Variants in KIF13B observed in about 807,000 individuals in gnomAD.
KIF13B encodes the protein kinesin-like protein KIF13B.
In KIF13B, 127 loss-of-function variants were observed where a neutral mutation model predicts 222.0. The ratio of observed to expected loss-of-function variants is 0.57; its 90% CI spans 0.50 to 0.66. KIF13B has a LOEUF of 0.66. Among genes scored for constraint, KIF13B ranks in the 30% least tolerant of loss-of-function variants. The probability of loss-of-function intolerance (pLI) is 0.00; values close to 1 mark genes in which losing one functional copy is unlikely to be tolerated. For synonymous variants in KIF13B, 976 were observed against 919.0 expected (o/e 1.06, Z -1.12); for missense variants, 2,173 against 2,379.0 (o/e 0.91, Z 1.80).
At chr8:29,145,695 C>T (rs1015087522) in intron 18 of KIF13B, among the ~76,000 whole-genome samples, 4 of 151,408 alleles carry the variant, frequency 2.6e-5, no homozygotes, top group Non-Finnish European at 5.9e-5. Context: ...TGTTGACTAC[C>T]GCAGGCTAAA....
intron 22 of KIF13B, 129 bp from the exon 23 acceptor site, chr8:29,132,594 G>C: frequency 3.7e-6 from 2 of 537,724 alleles, no homozygotes; most frequent in Non-Finnish European, 2.9e-6. Flanking sequence ...TAGTTATACA[G>C]AACTATCATC....
At chr8:29,194,014 CAG>C (rs370911153) in intron 3 of KIF13B, among the ~76,000 whole-genome samples, 6 of 146,934 alleles carry the variant, frequency 4.1e-5, no homozygotes, top group African/African-American at 1.5e-4. Flanking sequence ...TTAGTAGAGA[CAG>C]GGTTTCACTG....
chr8:29,109,901 C>A lies in KIF13B; in HGVS notation c.4083+17G>T, dbSNP rs1290753523. The A allele has an allele frequency of 6.2e-7, 1 of 1,612,226 alleles. No individual in the cohort carries two copies. Among genetic ancestry groups the A allele is most frequent in the Admixed American group, 1.7e-5 (1 of 59,890 alleles). ...TCAGGGCCTCTGCTGCCCGCCCTAT[C>A]CATGCGGTTGGCTAACCTGGCGCAG... On this transcript the variant is annotated intron_variant, in intron 33 of 39. Coordinates refer to ENST00000524189, the MANE Select transcript of KIF13B (RefSeq NM_015254.4).
intron 2 of KIF13B, among the ~76,000 whole-genome samples, chr8:29,218,078 C>T (rs1039266502): frequency 6.6e-6 from 1 of 152,118 alleles, no homozygotes; most frequent in South Asian, 2.1e-4. Flanking sequence ...TTACACTGTG[C>T]TTATTGGATG....
At chr8:29,179,698 C>T (rs1812631419) in intron 8 of KIF13B, among the ~76,000 whole-genome samples, 1 of 152,226 alleles carries the variant, frequency 6.6e-6, no homozygotes. Context: ...CAAGCACATT[C>T]TCCAGGTTCC....
chr8:29,095,901 G>A (rs1483211027), intron 36 of KIF13B, among the ~76,000 whole-genome samples: 3 of 150,074 alleles, frequency 2.0e-5, no homozygotes, highest in African/African-American at 4.9e-5. Flanking sequence ...AAAACAAAAC[G>A]AAACAAAAAA....
chr8:29,086,045 A>G (rs779683615), intron 37 of KIF13B, among the ~76,000 whole-genome samples: 52 of 152,008 alleles, frequency 3.4e-4, no homozygotes, highest in Admixed American at 6.6e-4. Context: ...CAGCTCTCTT[A>G]GTCATTGTTT....
chr8:29,111,138 T>C (rs1809335978), intron 32 of KIF13B, among the ~76,000 whole-genome samples: 1 of 152,222 alleles, frequency 6.6e-6, no homozygotes, highest in African/African-American at 2.4e-5. Context: ...AGCCTTGTAA[T>C]AACCATGAAA....
intron 37 of KIF13B, among the ~76,000 whole-genome samples, chr8:29,079,198 C>T (rs568678582): frequency 6.6e-6 from 1 of 152,312 alleles, no homozygotes; most frequent in Admixed American, 6.5e-5. Flanking sequence ...GATGGCTTTT[C>T]CAGAACCTTC....
At chr8:29,133,069 T>G (rs1810414236) in intron 22 of KIF13B, among the ~76,000 whole-genome samples, 1 of 152,162 alleles carries the variant, frequency 6.6e-6, no homozygotes, top group South Asian at 2.1e-4. Flanking sequence ...CTATCTTTAA[T>G]GTAGTGAAGT....
chr8:29,170,584 G>T (rs868223276), intron 10 of KIF13B, among the ~76,000 whole-genome samples: 6 of 152,204 alleles, frequency 3.9e-5, no homozygotes, highest in Non-Finnish European at 5.9e-5. Context: ...GGTAAAGGGA[G>T]AGGGGAGAGG....
chr8:29,177,661 G>A (rs1386598172), intron 8 of KIF13B, 83 bp from the exon 9 acceptor site: 1 of 911,876 alleles, frequency 1.1e-6, no homozygotes, highest in Non-Finnish European at 1.8e-6. Flanking sequence ...CAGCACTTTG[G>A]GAGGACAAGG....
At chr8:29,123,872 T>C (rs540275871) in intron 27 of KIF13B, among the ~76,000 whole-genome samples, 152 bp downstream of exon 27, 1 of 152,230 alleles carries the variant, frequency 6.6e-6, no homozygotes, top group Non-Finnish European at 1.5e-5. Context: ...GGATAAAGGA[T>C]ATGACATAAA....
At chr8:29,121,025 TTG>T (rs1211978545) in intron 29 of KIF13B, among the ~76,000 whole-genome samples, 2 of 139,244 alleles carry the variant, frequency 1.4e-5, no homozygotes, top group African/African-American at 5.4e-5. Flanking sequence ...TTTGATGGGG[TTG>T]TTTGTTTTTT....
intron 2 of KIF13B, among the ~76,000 whole-genome samples, chr8:29,198,482 C>A (rs1010914159): frequency 6.6e-6 from 1 of 152,004 alleles, no homozygotes; most frequent in Admixed American, 6.6e-5. Flanking sequence ...CCACCACGCC[C>A]GGCTAATTTT....
chr8:29,118,652 A>G (rs1809714714), intron 30 of KIF13B, among the ~76,000 whole-genome samples: 1 of 152,202 alleles, frequency 6.6e-6, no homozygotes, highest in African/African-American at 2.4e-5. Flanking sequence ...TGCTCACACA[A>G]GCTCAGTACA....
In KIF13B at chr8:29,071,967, G is replaced by C. The variant is rs899609149; in HGVS notation, c.4871C>G (p.Pro1624Arg). The change falls in exon 39 of 40, where the codon CCC (proline) becomes CGC (arginine). Residue 1624 changes from proline to arginine, a missense_variant. By Grantham distance (103) the Pro-to-Arg change is moderately radical (BLOSUM62 -2). Around this residue, in one of 2 missense-constraint regions of KIF13B, gnomAD observed 693 missense variants for 656.2 expected, o/e 1.06. Coordinates refer to ENST00000524189, the MANE Select transcript of KIF13B (RefSeq NM_015254.4). The surrounding 1 kb of genome is among the most constrained non-coding windows in gnomAD (Gnocchi z 4.9). ...TAVPAEEPPG[P>R]QQLVSPGRER... Reference sequence around the variant, plus strand: ...CCGACCGGGGCTCACGAGCTGCTGGGGGCCAGGGGGCTCCTCGGCGGGGAC... The same window carrying C: ...CCGACCGGGGCTCACGAGCTGCTGGCGGCCAGGGGGCTCCTCGGCGGGGAC... 3 of 1,325,622 alleles carry C rather than the reference G, an allele frequency of 2.3e-6. No individual in the cohort carries two copies. In the East Asian group the frequency reaches 1.0e-4, roughly 45 times the overall value. 82.1% of individuals were successfully genotyped at this position (1,325,622 alleles called of 1,614,324 possible). A position where few individuals can be genotyped will look rare whatever the true frequency, so the allele number is the denominator to read the frequency against.
chr8:29,170,559 G>A (rs901778604), intron 10 of KIF13B, among the ~76,000 whole-genome samples: 7 of 152,182 alleles, frequency 4.6e-5, no homozygotes, highest in Admixed American at 3.3e-4. Context: ...CCCAAAGATA[G>A]AGAAGCATCA....
At chr8:29,203,289 T>C (rs745419065) in intron 2 of KIF13B, among the ~76,000 whole-genome samples, 2 of 152,196 alleles carry the variant, frequency 1.3e-5, no homozygotes, top group Non-Finnish European at 2.9e-5. Flanking sequence ...GGTACCAATC[T>C]TTCAGTCTCA....
Sources: allele counts gnomAD v4.1 joint callset (sites outside exome capture counted in the v4.1 genomes callset), GRCh38; gene constraint gnomAD v4.1.1; regional missense constraint gnomAD v4.1.1; non-coding constraint Gnocchi (gnomAD v3.1); transcripts MANE v1.5; gene names NCBI Gene and HGNC (gene_info 2026-07-23, HGNC 2026-07-21).